Variants in NBAS observed in about 807,000 individuals in gnomAD.
NBAS encodes the protein NAG/BC035112 fusion.
Under a neutral mutation model 302.5 loss-of-function variants are expected in NBAS, and 219 were observed. The ratio of observed to expected loss-of-function variants is 0.72; its 90% CI spans 0.65 to 0.81. NBAS has a LOEUF of 0.81. Ranked by LOEUF, NBAS falls within the 30% of genes least tolerant of loss-of-function variation. The pLI is 0.00. For synonymous variants in NBAS, 1,118 were observed against 1,021.6 expected, an observed-to-expected ratio of 1.09 and a Z score of -1.80; for missense variants, 2,932 against 2,841.6, an observed-to-expected ratio of 1.03 and a Z score of -0.72.
chr2:15,331,835 G>GTTACAT (rs1672368175), intron 35 of NBAS, among the ~76,000 whole-genome samples: 7 of 152,176 alleles, frequency 4.6e-5, no homozygotes, highest in Admixed American at 4.6e-4. Context: ...CCATGGCAAA[G>GTTACAT]AAAATTTGTA....
At chr2:15,137,461 G>A in the NBAS span, among the ~76,000 whole-genome samples, 4 of 152,110 alleles carry the variant, frequency 2.6e-5, no homozygotes, top group African/African-American at 9.7e-5. Flanking sequence ...ATCAAACAGA[G>A]CCACAAAACA....
At chr2:14,879,353 C>A in the NBAS span, among the ~76,000 whole-genome samples, 1 of 152,148 alleles carries the variant, frequency 6.6e-6, no homozygotes, top group East Asian at 1.9e-4. Flanking sequence ...GTTTTTGCTG[C>A]CATGTGGCAA....
intron 16 of NBAS, among the ~76,000 whole-genome samples, chr2:15,471,768 A>T (rs968050001): frequency 6.6e-6 from 1 of 152,206 alleles, no homozygotes; most frequent in Non-Finnish European, 1.5e-5. Flanking sequence ...AGGAGGCAGT[A>T]GAGAGCCTTC....
chr2:14,791,356 T>C, the NBAS span, among the ~76,000 whole-genome samples: 1 of 152,188 alleles, frequency 6.6e-6, no homozygotes, highest in Non-Finnish European at 1.5e-5. Flanking sequence ...TAGGCAAACC[T>C]GCTAAGTGGA....
the NBAS span, among the ~76,000 whole-genome samples, chr2:14,827,729 T>C: frequency 6.6e-6 from 1 of 152,196 alleles, no homozygotes; most frequent in African/African-American, 2.4e-5. Context: ...CTTCCACTTA[T>C]ACGATGTATA....
chr2:15,022,573 A>T, the NBAS span, among the ~76,000 whole-genome samples: 1 of 152,186 alleles, frequency 6.6e-6, no homozygotes, highest in Non-Finnish European at 1.5e-5. Flanking sequence ...TTCATCACTC[A>T]GTCTTTTCTA....
At chr2:15,509,630 C>T (rs1392348608) in intron 10 of NBAS, among the ~76,000 whole-genome samples, 11 of 152,180 alleles carry the variant, frequency 7.2e-5, no homozygotes, top group Admixed American at 7.2e-4. Flanking sequence ...AGTACATCTT[C>T]ATTAGTTTAT....
the NBAS span, among the ~76,000 whole-genome samples, chr2:15,086,119 G>C: frequency 6.6e-6 from 1 of 152,080 alleles, no homozygotes; most frequent in Non-Finnish European, 1.5e-5. Context: ...CTGGGCCCCT[G>C]CATGGCTGCC....
At chr2:15,483,559 T>C (rs1307970286) in intron 12 of NBAS, among the ~76,000 whole-genome samples, 6 of 152,216 alleles carry the variant, frequency 3.9e-5, no homozygotes, top group African/African-American at 7.2e-5. Context: ...GCAATTTTAC[T>C]ATATTCCAGA....
intron 35 of NBAS, among the ~76,000 whole-genome samples, chr2:15,350,818 C>A (rs1444381057): frequency 6.6e-6 from 1 of 152,128 alleles, no homozygotes; most frequent in African/African-American, 2.4e-5. Context: ...CTTAGGATAA[C>A]AGGCAAAGTT....
chr2:15,464,425 A>T (rs1180007202), intron 19 of NBAS, among the ~76,000 whole-genome samples: 1 of 152,164 alleles, frequency 6.6e-6, no homozygotes, highest in African/African-American at 2.4e-5. Context: ...CAGTTACAGC[A>T]GAAAGAAACA....
intron 48 of NBAS, among the ~76,000 whole-genome samples, chr2:15,194,516 C>T (rs1032320438): frequency 6.6e-6 from 1 of 152,076 alleles, no homozygotes; most frequent in African/African-American, 2.4e-5. Context: ...TTAAAAGAAC[C>T]TGCCACTAAT....
At chr2:15,201,161 C>T (rs571411914) in intron 48 of NBAS, among the ~76,000 whole-genome samples, 1 of 152,160 alleles carries the variant, frequency 6.6e-6, no homozygotes, top group South Asian at 2.1e-4. Flanking sequence ...TGTTAGCCTG[C>T]TCCTAAGAGA....
At chr2:15,360,349 A>C (rs1673845922) in intron 32 of NBAS, among the ~76,000 whole-genome samples, 1 of 151,340 alleles carries the variant, frequency 6.6e-6, no homozygotes, top group African/African-American at 2.4e-5. Flanking sequence ...AAAAAAAACA[A>C]AACAAAACAG....
At chr2:14,950,321 A>G in the NBAS span, among the ~76,000 whole-genome samples, 7,857 of 152,236 alleles carry the variant, frequency 0.052, 649 homozygotes, top group African/African-American at 0.18. Context: ...AATCTCATCC[A>G]GGTCATTGCA....
chr2:14,848,168 G>C, the NBAS span, among the ~76,000 whole-genome samples: 2 of 151,832 alleles, frequency 1.3e-5, no homozygotes, highest in Admixed American at 6.6e-5. Context: ...CTGAGGTACC[G>C]GGTTCATCTC....
intron 21 of NBAS, among the ~76,000 whole-genome samples, chr2:15,440,787 T>A (rs1435010757): frequency 6.6e-6 from 1 of 151,950 alleles, no homozygotes; most frequent in Admixed American, 6.6e-5. Flanking sequence ...ATAACTAGAA[T>A]AACCAATACA....
chr2:15,510,906 A>G (rs1437190959), intron 10 of NBAS, among the ~76,000 whole-genome samples: 6 of 152,222 alleles, frequency 3.9e-5, no homozygotes, highest in Non-Finnish European at 1.5e-5. Flanking sequence ...ATAGCTGCCA[A>G]CACATTAAAA....
At chr2:15,040,728 C>A in the NBAS span, among the ~76,000 whole-genome samples, 3 of 152,126 alleles carry the variant, frequency 2.0e-5, no homozygotes, top group Non-Finnish European at 4.4e-5. Flanking sequence ...CCCACCCTTG[C>A]CCTTGGTCCA....
Sources: gnomAD v4.1 joint callset for allele counts (sites outside exome capture counted in the v4.1 genomes callset) on GRCh38, gnomAD v4.1.1 for gene constraint, MANE v1.5 for transcripts, NCBI Gene and HGNC (gene_info 2026-07-23, HGNC 2026-07-21) for gene names.